Variants in ZNF623 observed in about 807,000 individuals in gnomAD.
The protein encoded by ZNF623 is zinc finger protein 623.
A neutral mutation model predicts 24.0 loss-of-function variants in ZNF623; 16 were observed. The observed-to-expected ratio is 0.67, with a 90% confidence interval of 0.45 to 1.01. ZNF623 has a LOEUF of 1.01. Ranked by LOEUF, ZNF623 falls within the 50% of genes least tolerant of loss-of-function variation. The pLI, the probability that ZNF623 is intolerant of heterozygous loss-of-function variation, is 0.00. For synonymous variants in ZNF623, 224 were observed against 219.8 expected (o/e 1.02, Z -0.17); for missense variants, 566 against 606.5 (o/e 0.93, Z 0.70).
In ZNF623 at chr8:143,652,498, G is replaced by C. The variant is rs1297159881; in HGVS notation, c.*1015G>C. 4 of 166,990 alleles carry C rather than the reference G, an allele frequency of 2.4e-5. No individual in the cohort carries two copies. Among genetic ancestry groups the C allele is most frequent in the Non-Finnish European group, 4.4e-5 (3 of 68,088 alleles). 10.3% of individuals were successfully genotyped at this position (166,990 alleles called of 1,614,324 possible). The stretch of plus-strand genomic sequence containing the variant: ...TTGTATCAGTATAATCTACGATTCT[G>C]TTAGAAGTATCTTCTCAGCCCTGCT... On this transcript the variant is annotated 3_prime_UTR_variant, in exon 2 of 2. Transcript: ENST00000526926.
intron 1 of ZNF623, among the ~76,000 whole-genome samples, chr8:143,645,184 C>T (rs1256412373): frequency 6.6e-6 from 1 of 151,000 alleles, no homozygotes; most frequent in African/African-American, 2.4e-5. Flanking sequence ...TGGCTCATGC[C>T]TGTAATCCCA....
chr8:143,638,888 C>T (rs1438535193), intron 1 of ZNF623, among the ~76,000 whole-genome samples: 4 of 149,756 alleles, frequency 2.7e-5, no homozygotes, highest in Non-Finnish European at 5.9e-5. Flanking sequence ...TCCACCCCAC[C>T]GTTCTCCCAC....
chr8:143,647,317 C>T (rs959719655), intron 1 of ZNF623, among the ~76,000 whole-genome samples: 11 of 152,152 alleles, frequency 7.2e-5, no homozygotes, highest in South Asian at 2.1e-4. Context: ...CCTGCCGCCA[C>T]GCCCGGCTAA....
chr8:143,642,918 A>G (rs1336229215), intron 1 of ZNF623, among the ~76,000 whole-genome samples: 1 of 152,138 alleles, frequency 6.6e-6, no homozygotes, highest in Non-Finnish European at 1.5e-5. Context: ...CCCTTCTTCC[A>G]GTTACTCATT....
rs141836170 is a variant in ZNF623 at position 143,650,814 on chromosome 8, C to G, written c.822C>G (p.Thr274=). ...SDLIEHQRIH[T]GERPFECNEC... ...TTATTGAACACCAGAGAATTCACAC[C>G]GGAGAGAGACCCTTTGAATGCAATG... is the stretch of plus-strand genomic sequence containing the variant. Residue 274 remains threonine, a synonymous_variant, in exon 2 of 2, where the codon ACC becomes ACG. Coordinates refer to ENST00000526926, the MANE Select transcript of ZNF623 (RefSeq NM_001261843.2). This position sits in a 1 kb window ranked among gnomAD's most constrained non-coding sequence, Gnocchi z 5.2. 2.3e-4 allele frequency: 379 copies of G among 1,614,044 alleles called. No homozygotes were observed. Among genetic ancestry groups the G allele is most frequent in the Admixed American group, 1.1e-3 (66 of 60,008 alleles).
chr8:143,646,568 T>TGTGTGC (rs1448603618), intron 1 of ZNF623, among the ~76,000 whole-genome samples: 5 of 151,192 alleles, frequency 3.3e-5, no homozygotes, highest in East Asian at 3.9e-4. Context: ...TGTGTGTGTG[T>TGTGTGC]GCATGCATGT....
chr8:143,650,534 A>T lies in ZNF623; in HGVS notation c.542A>T (p.Asp181Val), dbSNP rs1466675889. 3 of 1,614,208 alleles carry T rather than the reference A, an allele frequency of 1.9e-6. No homozygotes were observed. In the African/African-American group the frequency reaches 4.0e-5, roughly 22 times the overall value. The change falls in exon 2 of 2, where the codon GAC (aspartate) becomes GTC (valine). Residue 181 changes from aspartate (D) to valine (V), a missense_variant. By Grantham distance (152) the Asp-to-Val change is radical. This residue lies in a region of ZNF623 where 313 missense variants were observed against 300.4 expected (regional missense o/e 1.04). Coordinates refer to ENST00000526926, the MANE Select transcript of ZNF623 (RefSeq NM_001261843.2). The surrounding 1 kb of genome is among the most constrained non-coding windows in gnomAD (Gnocchi z 5.2). ...QCGKAFCHSS[D>V]LIRHQRVHTR... ...GGGAAGGCGTTTTGTCACAGTTCAG[A>T]CCTGATTAGGCACCAGAGAGTTCAC... is the stretch of plus-strand genomic sequence containing the variant.
At chr8:143,643,819 T>G (rs1032824944) in intron 1 of ZNF623, among the ~76,000 whole-genome samples, 3 of 152,076 alleles carry the variant, frequency 2.0e-5, no homozygotes, top group East Asian at 1.9e-4. Flanking sequence ...TGTGTGGCAG[T>G]TTTTTTTCTG....
chr8:143,650,595 G>C lies in ZNF623; in HGVS notation c.603G>C (p.Gly201=). Residue 201 remains glycine, a synonymous_variant, in exon 2 of 2, where the codon GGG becomes GGC. Transcript: ENST00000526926. The surrounding 1 kb of genome is among the most constrained non-coding windows in gnomAD (Gnocchi z 5.2). ...RERPFECKEC[G]KGFSQSSLLI... The stretch of plus-strand genomic sequence containing the variant: ...GACCTTTTGAATGCAAAGAGTGTGG[G>C]AAAGGCTTCAGTCAGAGCTCCTTAC... 6.2e-7 allele frequency: 1 copy of C among 1,614,188 alleles called. No homozygotes were observed. Among genetic ancestry groups the C allele is most frequent in the Non-Finnish European group, 8.5e-7 (1 of 1,180,056 alleles).
intron 1 of ZNF623, among the ~76,000 whole-genome samples, chr8:143,643,979 G>A (rs985923217): frequency 2.0e-5 from 3 of 152,126 alleles, no homozygotes; most frequent in Admixed American, 2.0e-4. Context: ...TGTTGGGGCT[G>A]CTTGCTGCCA....
rs1478368989 is a variant in ZNF623, at chr8:143,650,448, A to G, written c.456A>G (p.Ser152=). 3.1e-6 allele frequency: 5 copies of G among 1,614,100 alleles called. No homozygotes were observed. The highest frequency in any genetic ancestry group is 1.7e-5 in the Admixed American group (1 of 60,012). ...NVCGKDFIHY[S]GLIEHQRVHS... ...GTGGGAAAGACTTCATTCACTATTCAGGTCTCATTGAGCATCAGCGCGTTC... is the reference window on the plus strand; with the variant it reads ...GTGGGAAAGACTTCATTCACTATTCGGGTCTCATTGAGCATCAGCGCGTTC... Residue 152 remains serine, a synonymous_variant, in exon 2 of 2, where the codon TCA becomes TCG. Transcript: ENST00000526926. The surrounding 1 kb of genome is among the most constrained non-coding windows in gnomAD (Gnocchi z 5.2).
Position 143,650,973 on chromosome 8 carries a change from A to G in ZNF623, c.981A>G (p.Arg327=). The G allele has an allele frequency of 1.9e-6, 3 of 1,614,078 alleles. No homozygotes were observed. Among genetic ancestry groups the G allele is most frequent in the Non-Finnish European group, 2.5e-6 (3 of 1,180,014 alleles). ...SQTSNFTQHQ[R]IHTGEKLYEC... ...CGTCAAACTTCACCCAGCATCAGAG[A>G]ATTCACACTGGAGAGAAACTCTATG... Residue 327 remains arginine (R), a synonymous_variant, in exon 2 of 2, where the codon AGA becomes AGG. Coordinates refer to ENST00000526926, the MANE Select transcript of ZNF623 (RefSeq NM_001261843.2). The surrounding 1 kb of genome is among the most constrained non-coding windows in gnomAD (Gnocchi z 5.2).
At chr8:143,644,077 G>A (rs1815117592) in intron 1 of ZNF623, among the ~76,000 whole-genome samples, 1 of 152,110 alleles carries the variant, frequency 6.6e-6, no homozygotes, top group African/African-American at 2.4e-5. Context: ...CTGGAGTACG[G>A]TGTTGTGATC....
chr8:143,642,834 C>T (rs7825463), intron 1 of ZNF623, among the ~76,000 whole-genome samples: 24,331 of 152,084 alleles, frequency 0.16, 2,255 homozygotes, highest in African/African-American at 0.25. Context: ...TGTTACCTGC[C>T]GGGCACCTGG....
chr8:143,637,228 C>T (rs1219265164), intron 1 of ZNF623, among the ~76,000 whole-genome samples: 1 of 152,170 alleles, frequency 6.6e-6, no homozygotes, highest in Non-Finnish European at 1.5e-5. Flanking sequence ...CCCAGTAGGC[C>T]CCTTGGTGTG....
intron 1 of ZNF623, 80 bp from the exon 2 acceptor site, chr8:143,649,818 T>C (rs191623560): frequency 2.0e-6 from 3 of 1,527,648 alleles, no homozygotes; most frequent in Admixed American, 2.0e-5. Flanking sequence ...CTCTTGGATA[T>C]GGATTTTATC....
rs766269967 is a variant in ZNF623 at position 143,650,363 on chromosome 8, C to T, written c.371C>T (p.Ser124Leu). The T allele has an allele frequency of 1.2e-6, 2 of 1,614,226 alleles. No individual in the cohort carries two copies. The highest frequency in any genetic ancestry group is 2.2e-5 in the East Asian group (1 of 44,886). ...DQCGKGFGQSSHLMEHQRIHT... is the reference protein window; with the variant it reads ...DQCGKGFGQSLHLMEHQRIHT... Reference sequence around the variant, plus strand: ...TGTGGGAAAGGCTTTGGCCAGAGCTCACACCTTATGGAGCATCAGAGAATT... The same window carrying T: ...TGTGGGAAAGGCTTTGGCCAGAGCTTACACCTTATGGAGCATCAGAGAATT... Residue 124 changes from serine (S) to leucine (L), a missense_variant, in exon 2 of 2, where the codon TCA (serine) becomes TTA (leucine). Physicochemically the swap from Ser to Leu is moderately radical, Grantham distance 145. Transcript: ENST00000526926. This position sits in a 1 kb window ranked among gnomAD's most constrained non-coding sequence, Gnocchi z 5.2.
intron 1 of ZNF623, among the ~76,000 whole-genome samples, chr8:143,647,679 C>T (rs1815206110): frequency 6.6e-6 from 1 of 152,154 alleles, no homozygotes; most frequent in Non-Finnish European, 1.5e-5. Context: ...GCCCAGTGGC[C>T]CTTGTGGGGC....
intron 1 of ZNF623, among the ~76,000 whole-genome samples, chr8:143,648,864 G>A (rs1013670699): frequency 1.1e-4 from 16 of 152,060 alleles, no homozygotes; most frequent in African/African-American, 3.6e-4. Context: ...TGGGGAGGGA[G>A]GAGGGAGTGC....
Sources: allele counts gnomAD v4.1 joint callset (sites outside exome capture counted in the v4.1 genomes callset), GRCh38; gene constraint gnomAD v4.1.1; regional missense constraint gnomAD v4.1.1; non-coding constraint Gnocchi (gnomAD v3.1); transcripts MANE v1.5; gene names NCBI Gene and HGNC (gene_info 2026-07-23, HGNC 2026-07-21).